Variants in OR4C6 observed in about 807,000 individuals in gnomAD.
OR4C6 encodes the protein olfactory receptor 4C6.
A neutral mutation model predicts 13.9 loss-of-function variants in OR4C6; 20 were observed. That is an observed-to-expected ratio of 1.43 (90% confidence interval 1.01 to 2.08). OR4C6 has a LOEUF of 2.08. Among genes scored for constraint, OR4C6 ranks in the 30% most tolerant of loss-of-function variants. The probability of loss-of-function intolerance (pLI) is 0.00; values close to 1 mark genes in which losing one functional copy is unlikely to be tolerated. For synonymous variants in OR4C6, 193 were observed against 141.5 expected, an observed-to-expected ratio of 1.36 and a Z score of -2.58; for missense variants, 555 against 381.2, an observed-to-expected ratio of 1.46 and a Z score of -3.80.
chr11:55,663,030 T>C (rs1306827955), intron 1 of OR4C6, among the ~76,000 whole-genome samples: 1 of 138,978 alleles, frequency 7.2e-6, no homozygotes, highest in African/African-American at 2.5e-5. Flanking sequence ...ACAAACATGG[T>C]AGCTATGGCT....
chr11:55,662,305 T>A (rs544824170), intron 1 of OR4C6, 57 bp downstream of exon 1: 1 of 138,508 alleles, frequency 7.2e-6, no homozygotes, highest in Non-Finnish European at 1.6e-5. Context: ...GGGTAAAAGA[T>A]GACAGTTAGA....
In OR4C6 at chr11:55,666,084, G is replaced by T; in HGVS notation, c.918G>T (p.Leu306Phe). Reference protein sequence around the residue: ...MKKLWMKWEALAGK With the variant: ...MKKLWMKWEAFAGK ...AACTCTGGATGAAATGGGAGGCTTT[G>T]GCTGGGAAATAACTGCAATGCTGAG... Residue 306 changes from leucine (L) to phenylalanine (F), a missense_variant, in exon 2 of 2, where the codon TTG becomes TTT. Transcript: ENST00000314259. 1 of 1,609,264 alleles carries T rather than the reference G, an allele frequency of 6.2e-7. No homozygotes were observed. Among genetic ancestry groups the T allele is most frequent in the Non-Finnish European group, 8.5e-7 (1 of 1,177,324 alleles).
chr11:55,663,845 C>T (rs571863473), intron 1 of OR4C6, among the ~76,000 whole-genome samples: 1 of 137,962 alleles, frequency 7.2e-6, no homozygotes, highest in Non-Finnish European at 1.6e-5. Context: ...GGAGTGACTT[C>T]TTAGCATTAA....
Position 55,665,549 on chromosome 11 carries a change from T to C in OR4C6, c.383T>C (p.Leu128Pro). The C allele has an allele frequency of 6.2e-7, 1 of 1,613,922 alleles. No individual in the cohort carries two copies. Among genetic ancestry groups the C allele is most frequent in the Non-Finnish European group, 8.5e-7 (1 of 1,179,990 alleles). Residue 128 changes from leucine (L) to proline (P), a missense_variant, in exon 2 of 2, where the codon CTG becomes CCG. Physicochemically the swap from Leu to Pro is moderately conservative, Grantham distance 98. Transcript: ENST00000314259. ...YDRYVAICKP[L>P]HYTIIMSPRV... ...CGCTACGTGGCCATCTGTAAGCCCCTGCACTACACGATCATCATGAGTCCA... is the reference window on the plus strand; with the variant it reads ...CGCTACGTGGCCATCTGTAAGCCCCCGCACTACACGATCATCATGAGTCCA...
At chr11:55,664,679 G>C (rs1420575589) in intron 1 of OR4C6, among the ~76,000 whole-genome samples, 1 of 151,556 alleles carries the variant, frequency 6.6e-6, no homozygotes, top group African/African-American at 2.4e-5. Flanking sequence ...TCCGGCATCA[G>C]AATATAAGGT....
chr11:55,664,461 A>G (rs1040741850), intron 1 of OR4C6, among the ~76,000 whole-genome samples: 6 of 152,076 alleles, frequency 3.9e-5, no homozygotes, highest in African/African-American at 1.2e-4. Flanking sequence ...TTTTAGGTAT[A>G]TGATGATCAT....
At position 55,664,805 on chromosome 11, in the gene OR4C6, C is replaced by T. The variant is rs1314963696; in HGVS notation, c.-42-320C>T. 2.6e-5 allele frequency among the ~76,000 whole-genome samples: 4 copies of T among 151,888 alleles called. No individual in the cohort carries two copies. In the East Asian group the frequency reaches 5.8e-4, roughly 22 times the overall value. On this transcript the variant is annotated intron_variant, in intron 1 of 1. Coordinates refer to ENST00000314259, the MANE Select transcript of OR4C6 (RefSeq NM_001004704.2). ...AGCCAATCATAGAATTATTCTAATG[C>T]CTGGAATAAGGAATTGCCTCCAAGG...
At position 55,665,396 on chromosome 11, in the gene OR4C6, C is replaced by T. The variant is rs760498629; in HGVS notation, c.230C>T (p.Pro77Leu). ...LDVMFSSVVAPKVIVDTLSKS... is the reference protein window; with the variant it reads ...LDVMFSSVVALKVIVDTLSKS... The stretch of plus-strand genomic sequence containing the variant: ...GTCATGTTCTCATCTGTCGTTGCCC[C>T]CAAGGTGATTGTAGACACCCTCTCC... The change falls in exon 2 of 2, where the codon CCC becomes CTC. Residue 77 changes from proline (P) to leucine (L), a missense_variant. Coordinates refer to ENST00000314259, the MANE Select transcript of OR4C6 (RefSeq NM_001004704.2). 6.2e-7 allele frequency: 1 copy of T among 1,613,730 alleles called. No homozygotes were observed. Among genetic ancestry groups the T allele is most frequent in the Non-Finnish European group, 8.5e-7 (1 of 1,179,914 alleles).
Position 55,665,613 on chromosome 11 carries a change from G to A in OR4C6, c.447G>A (p.Gly149=), listed in dbSNP as rs576336634. The A allele has an allele frequency of 1.7e-4, 273 of 1,613,774 alleles. No individual in the cohort carries two copies. Among genetic ancestry groups the A allele is most frequent in the Admixed American group, 1.5e-3 (89 of 59,988 alleles). Residue 149 remains glycine (G), a synonymous_variant, in exon 2 of 2, where the codon GGG becomes GGA. Transcript: ENST00000314259. Reference sequence around the variant, plus strand: ...TAATGGTAGGAGGGGCTTGGGTGGGGGGATTTATGCACGCAATGATACAAC... The same window carrying A: ...TAATGGTAGGAGGGGCTTGGGTGGGAGGATTTATGCACGCAATGATACAAC... ...CCLMVGGAWV[G]GFMHAMIQLL...
At chr11:55,663,942 C>T (rs1858700362) in intron 1 of OR4C6, among the ~76,000 whole-genome samples, 1 of 137,986 alleles carries the variant, frequency 7.2e-6, no homozygotes, top group African/African-American at 2.5e-5. Context: ...TTTATAGTCC[C>T]TAGTAATATG....
Position 55,665,922 on chromosome 11 carries a change from T to C in OR4C6, c.756T>C (p.Cys252=), listed in dbSNP as rs1276216951. The C allele has an allele frequency of 6.2e-7, 1 of 1,613,992 alleles. No homozygotes were observed. Among genetic ancestry groups the C allele is most frequent in the Non-Finnish European group, 8.5e-7 (1 of 1,180,000 alleles). Residue 252 remains cysteine (C), a synonymous_variant, in exon 2 of 2, where the codon TGT becomes TGC. Coordinates refer to ENST00000314259, the MANE Select transcript of OR4C6 (RefSeq NM_001004704.2). ...LTVVVLFFVP[C]IFLYMRPVVT... ...TGGTTGTATTGTTCTTTGTCCCCTG[T>C]ATTTTCTTGTACATGAGGCCTGTGG...
At position 55,665,957 on chromosome 11, in the gene OR4C6, C is replaced by T; in HGVS notation, c.791C>T (p.Pro264Leu). Residue 264 changes from proline (P) to leucine (L), a missense_variant, in exon 2 of 2, where the codon CCC (proline) becomes CTC (leucine). Coordinates refer to ENST00000314259, the MANE Select transcript of OR4C6 (RefSeq NM_001004704.2). ...FLYMRPVVTH[P>L]IDKAMAVSDS... is the part of the protein sequence containing the mutation. ...TACATGAGGCCTGTGGTCACTCACC[C>T]CATAGACAAGGCAATGGCTGTGTCA... The T allele has an allele frequency of 1.2e-6, 2 of 1,613,880 alleles. No homozygotes were observed. Among genetic ancestry groups the T allele is most frequent in the South Asian group, 1.1e-5 (1 of 91,080 alleles).
chr11:55,665,544 G>A lies in OR4C6; in HGVS notation c.378G>A (p.Lys126=), dbSNP rs371943577. The change falls in exon 2 of 2, where the codon AAG becomes AAA. Residue 126 remains lysine, a synonymous_variant. Transcript: ENST00000314259. Reference sequence around the variant, plus strand: ...ATGACCGCTACGTGGCCATCTGTAAGCCCCTGCACTACACGATCATCATGA... The same window carrying A: ...ATGACCGCTACGTGGCCATCTGTAAACCCCTGCACTACACGATCATCATGA... The part of the protein sequence containing the change: ...MAYDRYVAIC[K]PLHYTIIMSP... The A allele has an allele frequency of 1.3e-4, 204 of 1,613,862 alleles. 2 individuals are homozygous for A. In the Middle Eastern group the frequency reaches 3.0e-3, roughly 23 times the overall value.
chr11:55,664,842 C>A (rs1318550246), intron 1 of OR4C6, among the ~76,000 whole-genome samples: 2 of 151,704 alleles, frequency 1.3e-5, no homozygotes, highest in Non-Finnish European at 2.9e-5. Context: ...GAGGTAGGTG[C>A]TAAAAAAGTT....
intron 1 of OR4C6, among the ~76,000 whole-genome samples, chr11:55,664,191 A>C (rs1858705529): frequency 6.6e-6 from 1 of 152,040 alleles, no homozygotes; most frequent in Admixed American, 6.5e-5. Context: ...TGGTATCATG[A>C]GGTTTAAATG....
In OR4C6 at chr11:55,665,643, C is replaced by T. The variant is rs754151765; in HGVS notation, c.477C>T (p.Leu159=). 3.7e-6 allele frequency: 6 copies of T among 1,613,430 alleles called. No homozygotes were observed. The highest frequency in any genetic ancestry group is 5.1e-6 in the Non-Finnish European group (6 of 1,179,506). ...GGFMHAMIQL[L]FMYQIPFCGP... ...TTATGCACGCAATGATACAACTTCTCTTCATGTATCAAATACCCTTCTGTG... is the reference window on the plus strand; with the variant it reads ...TTATGCACGCAATGATACAACTTCTTTTCATGTATCAAATACCCTTCTGTG... Residue 159 remains leucine (L), a synonymous_variant, in exon 2 of 2, where the codon CTC becomes CTT. Coordinates refer to ENST00000314259, the MANE Select transcript of OR4C6 (RefSeq NM_001004704.2).
rs757383340 is a variant in OR4C6, at chr11:55,665,997, A to G, written c.831A>G (p.Thr277=). 2.2e-5 allele frequency: 36 copies of G among 1,613,460 alleles called. 1 individual carries two copies. In the South Asian group the frequency reaches 4.0e-4, roughly 18 times the overall value. ...KAMAVSDSII[T]PMLNPLIYTL... ...TGGCTGTGTCAGACTCAATCATCAC[A>G]CCCATGTTAAATCCCTTGATCTATA... is the stretch of plus-strand genomic sequence containing the variant. Residue 277 remains threonine, a synonymous_variant, in exon 2 of 2, where the codon ACA becomes ACG. Transcript: ENST00000314259.
intron 1 of OR4C6, among the ~76,000 whole-genome samples, chr11:55,664,849 A>T (rs1185830692): frequency 6.6e-6 from 1 of 152,106 alleles, no homozygotes; most frequent in Non-Finnish European, 1.5e-5. Flanking sequence ...GTGCTAAAAA[A>T]GTTATCTATT....
chr11:55,665,289 A>T lies in OR4C6; in HGVS notation c.123A>T (p.Leu41=). ...ATGTAGCCACAGTGCTGGAAAATCTACTTATTGTGGTAACTATTATCACAA... is the reference window on the plus strand; with the variant it reads ...ATGTAGCCACAGTGCTGGAAAATCTTCTTATTGTGGTAACTATTATCACAA... ...VMYVATVLEN[L]LIVVTIITSQ... Residue 41 remains leucine (L), a synonymous_variant, in exon 2 of 2, where the codon CTA becomes CTT. Coordinates refer to ENST00000314259, the MANE Select transcript of OR4C6 (RefSeq NM_001004704.2). 6.2e-7 allele frequency: 1 copy of T among 1,612,826 alleles called. No individual in the cohort carries two copies. The highest frequency in any genetic ancestry group is 2.2e-5 in the East Asian group (1 of 44,884).
Sources: allele counts gnomAD v4.1 joint callset (sites outside exome capture counted in the v4.1 genomes callset), GRCh38; gene constraint gnomAD v4.1.1; transcripts MANE v1.5; gene names NCBI Gene and HGNC (gene_info 2026-07-23, HGNC 2026-07-21).